ATXN7: variants seen among roughly 807,000 people sequenced by gnomAD.
ATXN7 encodes the protein ataxin 7.
In ATXN7, 12 loss-of-function variants were observed where a neutral mutation model predicts 70.5. The observed-to-expected ratio is 0.17, with a 90% CI of 0.11 to 0.28. ATXN7 has a LOEUF of 0.28. Among genes scored for constraint, ATXN7 ranks in the 10% least tolerant of loss-of-function variants. The pLI, the probability that ATXN7 is intolerant of heterozygous loss-of-function variation, is 1.00. For synonymous variants in ATXN7, 498 were observed against 448.7 expected (o/e 1.11, Z -1.39); for missense variants, 1,256 against 1,131.7 (o/e 1.11, Z -1.58).
In ATXN7 at chr3:64,002,481, G is replaced by GT. The variant is rs1416713853; in HGVS notation, c.*3015dup. The stretch of plus-strand genomic sequence containing the variant: ...CTTTTCTTTTGTTAGTATTTTATGT[G>GT]TGGGAGTATGTGACTGCGTGTGTGT... On this transcript the variant is annotated 3_prime_UTR_variant, in exon 13 of 13. Coordinates refer to ENST00000674280, the MANE Select transcript of ATXN7 (RefSeq NM_001377405.1). 5 of 151,940 alleles carry GT rather than the reference G, an allele frequency of 3.3e-5. No individual in the cohort carries two copies. Among genetic ancestry groups the GT allele is most frequent in the Non-Finnish European group, 7.4e-5 (5 of 68,018 alleles). 9.4% of individuals were successfully genotyped at this position (151,940 alleles called of 1,614,324 possible).
At chr3:63,864,265 C>T (rs1575822173) in intron 1 of ATXN7, among the ~76,000 whole-genome samples, 107 bp downstream of exon 1, 1 of 151,520 alleles carries the variant, frequency 6.6e-6, no homozygotes, top group East Asian at 2.0e-4. Flanking sequence ...TGCGGCCCCG[C>T]CGCCCCATCC....
intron 4 of ATXN7, among the ~76,000 whole-genome samples, chr3:63,920,526 A>G (rs1481867093): frequency 1.3e-5 from 2 of 152,194 alleles, no homozygotes; most frequent in Non-Finnish European, 2.9e-5. Context: ...GAGCTTGAGC[A>G]GGTCACCCTA....
At chr3:63,949,615 C>T (rs72883989) in intron 4 of ATXN7, among the ~76,000 whole-genome samples, 1 of 152,118 alleles carries the variant, frequency 6.6e-6, no homozygotes. Context: ...CCATGCTGGT[C>T]TCGAACTCCT....
Position 63,986,237 on chromosome 3 carries a change from A to T in ATXN7, c.1096-1822A>T, listed in dbSNP as rs1169156875. 2.6e-5 allele frequency among the ~76,000 whole-genome samples: 4 copies of T among 152,208 alleles called. No homozygotes were observed. In the East Asian group the frequency reaches 7.7e-4, roughly 29 times the overall value. The stretch of plus-strand genomic sequence containing the variant: ...AAGAGGTACGCGGGACCAAAGGAGC[A>T]GGGAGCAGTAAGCAAGGGTCTTAGA... On this transcript the variant is annotated intron_variant, in intron 8 of 12. Transcript: ENST00000674280.
At chr3:63,959,277 T>C (rs1009566088) in intron 5 of ATXN7, among the ~76,000 whole-genome samples, 6 of 152,200 alleles carry the variant, frequency 3.9e-5, no homozygotes, top group African/African-American at 1.4e-4. Flanking sequence ...TGAAACTTGT[T>C]GCAGAGCAAA....
At chr3:63,928,225 C>T (rs1324005072) in intron 4 of ATXN7, among the ~76,000 whole-genome samples, 1 of 152,126 alleles carries the variant, frequency 6.6e-6, no homozygotes, top group African/African-American at 2.4e-5. Flanking sequence ...CACTTGAGCC[C>T]AGGAGGTTGA....
chr3:63,863,367 C>A (rs2276863), upstream of ATXN7: 110,250 of 874,472 alleles, frequency 0.13, 7,386 homozygotes, highest in Admixed American at 0.16. Context: ...CACTGTCCAC[C>A]CTTCGCGGCT....
At chr3:63,949,095 C>T (rs973501016) in intron 4 of ATXN7, among the ~76,000 whole-genome samples, 10 of 151,980 alleles carry the variant, frequency 6.6e-5, no homozygotes, top group South Asian at 2.1e-4. Flanking sequence ...AATTTGCAGA[C>T]GGGTTGATTG....
intron 1 of ATXN7, among the ~76,000 whole-genome samples, chr3:63,867,268 C>G (rs1702458073): frequency 6.6e-6 from 1 of 152,094 alleles, no homozygotes; most frequent in Non-Finnish European, 1.5e-5. Context: ...AGATCCAGGA[C>G]TTAAAAAAAT....
chr3:63,922,068 G>T (rs1249656554), intron 4 of ATXN7, among the ~76,000 whole-genome samples: 1 of 151,626 alleles, frequency 6.6e-6, no homozygotes, highest in Non-Finnish European at 1.5e-5. Context: ...GGGTCTTGCT[G>T]TATTGCCCAG....
At chr3:63,964,650 A>C (rs2075189719) in intron 5 of ATXN7, among the ~76,000 whole-genome samples, 1 of 152,182 alleles carries the variant, frequency 6.6e-6, no homozygotes, top group African/African-American at 2.4e-5. Context: ...TTTAGCCCCC[A>C]AGGTGAATTA....
At chr3:63,928,301 A>G (rs1704795993) in intron 4 of ATXN7, among the ~76,000 whole-genome samples, 2 of 152,034 alleles carry the variant, frequency 1.3e-5, no homozygotes, top group African/African-American at 4.8e-5. Context: ...ACCCTTTCTC[A>G]AAAACAAACA....
rs759418780 is a variant in ATXN7 at position 63,952,438 on chromosome 3, G to A, written c.454G>A (p.Asp152Asn). The A allele has an allele frequency of 5.6e-6, 9 of 1,612,408 alleles. No homozygotes were observed. Among genetic ancestry groups the A allele is most frequent in the Middle Eastern group, 1.7e-4 (1 of 6,058 alleles). The part of the protein sequence containing the change: ...HDDFYLVVCN[D>N]CNQVVKPQAF... ...TGATTTCTACTTGGTGGTGTGTAAC[G>A]ACTGTAATCAGGTTGTCAAACCGCA... The change falls in exon 5 of 13, where the codon GAC becomes AAC. Residue 152 changes from aspartate (D) to asparagine (N), a missense_variant. Transcript: ENST00000674280.
In ATXN7 at chr3:63,912,714, A is replaced by AGCC. The variant is rs1553686135; in HGVS notation, c.123_125dup (p.Pro43dup). ...CAGCAGCAGCAGCAGCAGCAGCAGC[A>AGCC]GCCGCCGCCTCCGCAGCCCCAGCGG... On this transcript the variant is annotated inframe_insertion, in exon 3 of 13. Transcript: ENST00000674280. The AGCC allele has an allele frequency of 7.4e-3, 9,018 of 1,212,028 alleles. 39 individuals carry two copies. Among genetic ancestry groups the AGCC allele is most frequent in the Middle Eastern group, 0.028 (84 of 2,998 alleles). The allele number at this position is 1,212,028 out of a possible 1,614,324, so 75.1% of individuals were successfully genotyped here.
At chr3:63,918,487 C>T (rs1307139074) in intron 4 of ATXN7, among the ~76,000 whole-genome samples, 2 of 152,096 alleles carry the variant, frequency 1.3e-5, no homozygotes, top group Non-Finnish European at 2.9e-5. Flanking sequence ...TTTAATGATC[C>T]TCCTTGTATC....
intron 5 of ATXN7, among the ~76,000 whole-genome samples, chr3:63,972,286 T>G (rs923142499): frequency 4.6e-5 from 7 of 152,234 alleles, no homozygotes; most frequent in African/African-American, 1.7e-4. Context: ...TGTTTTACAT[T>G]TTATAGCCAT....
At chr3:63,972,644 C>A (rs967893342) in intron 5 of ATXN7, among the ~76,000 whole-genome samples, 1 of 152,112 alleles carries the variant, frequency 6.6e-6, no homozygotes, top group South Asian at 2.1e-4. Context: ...AATGAGCCAG[C>A]CTTTTATTTG....
chr3:63,890,948 A>G (rs1201053383), intron 1 of ATXN7, among the ~76,000 whole-genome samples: 1 of 152,158 alleles, frequency 6.6e-6, no homozygotes, highest in Non-Finnish European at 1.5e-5. Flanking sequence ...AGAGGTTTGT[A>G]TGGGCCTAGC....
At chr3:63,924,417 C>T (rs570191919) in intron 4 of ATXN7, among the ~76,000 whole-genome samples, 3 of 152,160 alleles carry the variant, frequency 2.0e-5, no homozygotes, top group South Asian at 4.2e-4. Flanking sequence ...CATGGAAAGT[C>T]GTGGGACCTA....
Sources: gnomAD v4.1 joint callset for allele counts (sites outside exome capture counted in the v4.1 genomes callset) on GRCh38, gnomAD v4.1.1 for gene constraint, MANE v1.5 for transcripts, NCBI Gene and HGNC (gene_info 2026-07-23, HGNC 2026-07-21) for gene names.